The following HCK variants were observed in gnomAD, a reference collection of about 807,000 sequenced individuals.
HCK encodes HCK proto-oncogene, Src family tyrosine kinase.
A neutral mutation model predicts 70.4 loss-of-function variants in HCK; 40 were observed. The ratio of observed to expected loss-of-function variants is 0.57; its 90% CI spans 0.44 to 0.74. HCK has a LOEUF of 0.74. HCK is among the 30% of genes least tolerant of loss of function. HCK has a pLI of 0.00. For synonymous variants in HCK, 245 were observed against 263.2 expected (o/e 0.93, Z 0.67); for missense variants, 568 against 697.2 (o/e 0.81, Z 2.09).
Position 32,101,836 on chromosome 20 carries a change from A to T in HCK, c.*317A>T. 4.2e-6 allele frequency: 1 copy of T among 238,302 alleles called. No individual in the cohort carries two copies. The highest frequency in any genetic ancestry group is 5.3e-5 in the Admixed American group (1 of 18,900). The allele number at this position is 238,302 out of a possible 1,614,324, so 14.8% of individuals were successfully genotyped here. On this transcript the variant is annotated 3_prime_UTR_variant, in exon 13 of 13. Transcript: ENST00000375852. Reference sequence around the variant, plus strand: ...ATGAATATTTAAATAAAAGATATAAATGCCAAAGTCTTTACCAAAACGTTG... The same window carrying T: ...ATGAATATTTAAATAAAAGATATAATTGCCAAAGTCTTTACCAAAACGTTG...
At chr20:32,085,104 G>A (rs925052417) in intron 8 of HCK, among the ~76,000 whole-genome samples, 9 of 152,244 alleles carry the variant, frequency 5.9e-5, no homozygotes, top group African/African-American at 2.2e-4. Context: ...GTGTTAATAC[G>A]TTCCAAATGG....
intron 10 of HCK, among the ~76,000 whole-genome samples, chr20:32,088,873 A>G (rs955687160): frequency 9.9e-5 from 15 of 152,086 alleles, no homozygotes; most frequent in African/African-American, 2.9e-4. Context: ...CTATTTTGGT[A>G]TAACAAACCA....
intron 8 of HCK, among the ~76,000 whole-genome samples, chr20:32,085,633 A>G (rs909902471): frequency 2.2e-4 from 33 of 152,334 alleles, no homozygotes; most frequent in African/African-American, 7.9e-4. Flanking sequence ...CTAGACTCCT[A>G]CTACAGGAAG....
intron 8 of HCK, among the ~76,000 whole-genome samples, chr20:32,086,307 C>G (rs1568997681): frequency 6.6e-6 from 1 of 152,234 alleles, no homozygotes; most frequent in Non-Finnish European, 1.5e-5. Flanking sequence ...GCGTGAGCCA[C>G]TTAGAGCTAT....
chr20:32,073,572 C>T (rs936977349), intron 3 of HCK, 144 bp from the exon 4 acceptor site: 2 of 664,344 alleles, frequency 3.0e-6, no homozygotes, highest in African/African-American at 3.6e-5. Context: ...ACTTGAGAAT[C>T]ACACCCAGCA....
At chr20:32,085,406 C>T (rs1318275793) in intron 8 of HCK, among the ~76,000 whole-genome samples, 2 of 151,926 alleles carry the variant, frequency 1.3e-5, no homozygotes, top group African/African-American at 2.4e-5. Flanking sequence ...CCCACCTACT[C>T]GGGAGGCTAA....
chr20:32,091,061 G>A lies in HCK; in HGVS notation c.1092+2417G>A, dbSNP rs563408110. On this transcript the variant is annotated intron_variant, in intron 10 of 12. Transcript: ENST00000375852. ...GAAGAAAAGTGAGGTACAGAGAGAT[G>A]ACACAACTTGCTTGACATCACAGAG... Among the ~76,000 whole-genome samples, 23 of 152,334 alleles carry A rather than the reference G, an allele frequency of 1.5e-4. 1 individual carries two copies. The South Asian group carries it at 3.1e-3, about 21-fold the overall frequency.
chr20:32,067,364 T>C (rs1360545071), intron 1 of HCK, among the ~76,000 whole-genome samples: 1 of 152,034 alleles, frequency 6.6e-6, no homozygotes, highest in Admixed American at 6.6e-5. Context: ...TCTACACCCA[T>C]TGAACACCAC....
rs143643871 is a variant in HCK at position 32,059,493 on chromosome 20, G to A, written c.62+7007G>A. On this transcript the variant is annotated intron_variant, in intron 1 of 12. Coordinates refer to ENST00000375852, the MANE Select transcript of HCK (RefSeq NM_002110.5). ...CTCCTCCTCCTTCTTCTTCTTTCTTGCTTCTCTCTCTCTCTCTCTTTTTTT... is the reference window on the plus strand; with the variant it reads ...CTCCTCCTCCTTCTTCTTCTTTCTTACTTCTCTCTCTCTCTCTCTTTTTTT... Among the ~76,000 whole-genome samples the A allele has an allele frequency of 2.8e-5, 3 of 108,268 alleles. No individual in the cohort carries two copies. The East Asian group carries it at 8.5e-4, about 31-fold the overall frequency. The allele number at this position is 108,268 out of a possible 152,430, so 71.0% of individuals were successfully genotyped here.
intron 1 of HCK, among the ~76,000 whole-genome samples, chr20:32,058,295 G>T (rs2045304401): frequency 6.6e-6 from 1 of 152,084 alleles, no homozygotes; most frequent in Non-Finnish European, 1.5e-5. Flanking sequence ...ACTTTGGGAG[G>T]ACAAAGCAGG....
intron 5 of HCK, among the ~76,000 whole-genome samples, chr20:32,079,437 C>T (rs2045676715): frequency 6.6e-6 from 1 of 152,142 alleles, no homozygotes; most frequent in South Asian, 2.1e-4. Context: ...TCTCCCTGTC[C>T]CTCACAGCGA....
chr20:32,101,416 G>C lies in HCK; in HGVS notation c.1478G>C (p.Cys493Ser). ...GAGCTCTACAACATCATGATGCGCT[G>C]CTGGAAAAACCGTCCGGAGGAGCGG... The change falls in exon 13 of 13, where the codon TGC becomes TCC. Residue 493 changes from cysteine (C) to serine (S), a missense_variant. Around this residue, in one of 4 missense-constraint regions of HCK, gnomAD observed 77 missense variants for 85.0 expected, o/e 0.91. Coordinates refer to ENST00000375852, the MANE Select transcript of HCK (RefSeq NM_002110.5). 1 of 1,614,186 alleles carries C rather than the reference G, an allele frequency of 6.2e-7. No individual in the cohort carries two copies. Among genetic ancestry groups the C allele is most frequent in the Non-Finnish European group, 8.5e-7 (1 of 1,180,034 alleles).
intron 11 of HCK, among the ~76,000 whole-genome samples, chr20:32,098,528 A>T (rs954123313): frequency 2.6e-5 from 4 of 152,110 alleles, no homozygotes; most frequent in Admixed American, 6.6e-5. Flanking sequence ...CCCATGTCAG[A>T]CTAGGTGGGA....
intron 4 of HCK, 116 bp from the exon 5 acceptor site, chr20:32,074,507 T>C: frequency 1.3e-6 from 1 of 743,050 alleles, no homozygotes; most frequent in Non-Finnish European, 2.5e-6. Context: ...AGCCCTGTCC[T>C]TCACCCTACT....
intron 5 of HCK, among the ~76,000 whole-genome samples, chr20:32,078,084 G>A (rs908719734): frequency 1.3e-5 from 2 of 151,748 alleles, no homozygotes; most frequent in Non-Finnish European, 2.9e-5. Context: ...GCCCAGGCTG[G>A]AGTGCAGTGG....
chr20:32,072,206 G>A (rs1282068638), intron 2 of HCK: 1 of 167,014 alleles, frequency 6.0e-6, no homozygotes, highest in Non-Finnish European at 1.3e-5. Flanking sequence ...GTGAGTATAA[G>A]ACCAAGAGTA....
chr20:32,100,824 T>C (rs2046022905), intron 12 of HCK, among the ~76,000 whole-genome samples: 1 of 152,186 alleles, frequency 6.6e-6, no homozygotes, highest in African/African-American at 2.4e-5. Flanking sequence ...CTGAATCCAT[T>C]AGGATGTGTT....
intron 9 of HCK, among the ~76,000 whole-genome samples, chr20:32,087,403 C>T (rs1451852060): frequency 6.6e-6 from 1 of 152,072 alleles, no homozygotes; most frequent in East Asian, 1.9e-4. Context: ...CCTCCCACCC[C>T]AGCCCCCCGA....
intron 1 of HCK, among the ~76,000 whole-genome samples, chr20:32,061,820 G>A (rs1285227509): frequency 6.6e-6 from 1 of 152,174 alleles, no homozygotes; most frequent in African/African-American, 2.4e-5. Context: ...AGAGGCTGAG[G>A]AGGGGATCAG....
Sources: allele counts gnomAD v4.1 joint callset (sites outside exome capture counted in the v4.1 genomes callset), GRCh38; gene constraint gnomAD v4.1.1; regional missense constraint gnomAD v4.1.1; transcripts MANE v1.5; gene names NCBI Gene and HGNC (gene_info 2026-07-23, HGNC 2026-07-21).